TMEM132D: variants seen among roughly 807,000 people sequenced by gnomAD.
TMEM132D encodes transmembrane protein 132D, also known as mature OL transmembrane protein.
TMEM132D carries 21 observed loss-of-function variants against 62.3 expected under a neutral mutation model. The ratio of observed to expected loss-of-function variants is 0.34; its 90% CI spans 0.24 to 0.49. TMEM132D has a LOEUF of 0.49. Ranked by LOEUF, TMEM132D falls within the 20% of genes least tolerant of loss-of-function variation. The probability of loss-of-function intolerance (pLI) is 0.99; values close to 1 mark genes in which losing one functional copy is unlikely to be tolerated. For missense variants in TMEM132D, 1,346 were observed against 1,402.8 expected, an observed-to-expected ratio of 0.96 and a Z score of 0.65; for synonymous variants, 621 against 575.6, an observed-to-expected ratio of 1.08 and a Z score of -1.13.
intron 2 of TMEM132D, among the ~76,000 whole-genome samples, chr12:129,628,443 T>C (rs1879276010): frequency 1.3e-5 from 2 of 152,158 alleles, no homozygotes; most frequent in African/African-American, 4.8e-5. Context: ...GGTGTCTGTA[T>C]CAGGGACGTG....
At chr12:129,510,317 T>G (rs1396170412) in intron 3 of TMEM132D, among the ~76,000 whole-genome samples, 1 of 152,162 alleles carries the variant, frequency 6.6e-6, no homozygotes. Context: ...ATTATTAGAT[T>G]TTTTCCCTAT....
At chr12:129,865,846 A>G (rs1455238285) in intron 1 of TMEM132D, among the ~76,000 whole-genome samples, 2 of 152,328 alleles carry the variant, frequency 1.3e-5, no homozygotes, top group East Asian at 3.9e-4. Flanking sequence ...CAGTGAAGGC[A>G]GTGGTCACGG....
In TMEM132D at chr12:129,314,152, A is replaced by G. The variant is rs1868405017; in HGVS notation, c.1299+23482T>C. 2.0e-5 allele frequency among the ~76,000 whole-genome samples: 3 copies of G among 151,454 alleles called. No individual in the cohort carries two copies. In the South Asian group the frequency reaches 6.2e-4, roughly 31 times the overall value. ...GTGAAGGTTTTCTCCCCTCTGTGGT[A>G]TGTCTGCTTTTGGATTCTTAGTCAT... On this transcript the variant is annotated intron_variant, in intron 4 of 8. Transcript: ENST00000422113.
At chr12:129,217,636 G>T (rs1394950995) in intron 4 of TMEM132D, among the ~76,000 whole-genome samples, 1 of 152,154 alleles carries the variant, frequency 6.6e-6, no homozygotes, top group Non-Finnish European at 1.5e-5. Context: ...AACTCTGTGT[G>T]AGGCACATTT....
At chr12:129,376,509 G>A (rs564223074) in intron 3 of TMEM132D, among the ~76,000 whole-genome samples, 10 of 152,246 alleles carry the variant, frequency 6.6e-5, no homozygotes, top group African/African-American at 2.2e-4. Context: ...CACGACACAC[G>A]GGGATTATGG....
chr12:129,572,710 A>G (rs548779512), intron 2 of TMEM132D, among the ~76,000 whole-genome samples: 2 of 152,118 alleles, frequency 1.3e-5, no homozygotes, highest in Admixed American at 1.3e-4. Flanking sequence ...CGGCTTCCCA[A>G]AGTGCTGGGA....
rs1555244565 is a variant in TMEM132D at position 129,285,526 on chromosome 12, C to CAAAAAAAAAAAAA, written c.1299+52095_1299+52107dup. Among the ~76,000 whole-genome samples the CAAAAAAAAAAAAA allele has an allele frequency of 5.6e-3, 228 of 40,928 alleles. 27 individuals carry two copies. Among genetic ancestry groups the CAAAAAAAAAAAAA allele is most frequent in the African/African-American group, 0.015 (196 of 13,100 alleles). 26.9% of individuals were successfully genotyped at this position (40,928 alleles called of 152,430 possible). ...TGGGTGACAGAGTGAGACTGTGTCT[C>CAAAAAAAAAAAAA]AAAAAAAAAAAAAAGAGAGAGAGAG... is the stretch of plus-strand genomic sequence containing the variant. On this transcript the variant is annotated intron_variant, in intron 4 of 8. Transcript: ENST00000422113.
chr12:129,075,010 G>T lies in TMEM132D; in HGVS notation c.2165C>A (p.Pro722His), dbSNP rs1220855662. Reference protein sequence around the residue: ...WVQFSDGSVTPLDIYDGKDFS... With the variant: ...WVQFSDGSVTHLDIYDGKDFS... ...GTCTTTCCCATCGTAAATATCCAAG[G>T]GCGTGACTGAGCCATCACTGAACTG... is the stretch of plus-strand genomic sequence containing the variant. The change falls in exon 9 of 9, where the codon CCC becomes CAC. Residue 722 changes from proline to histidine, a missense_variant. By Grantham distance (77) the Pro-to-His change is moderately conservative (BLOSUM62 -2). Transcript: ENST00000422113. 6.2e-7 allele frequency: 1 copy of T among 1,613,240 alleles called. No homozygotes were observed. The highest frequency in any genetic ancestry group is 8.5e-7 in the Non-Finnish European group (1 of 1,179,990).
intron 2 of TMEM132D, among the ~76,000 whole-genome samples, chr12:129,670,581 C>T (rs996928369): frequency 1.3e-5 from 2 of 152,108 alleles, no homozygotes; most frequent in Non-Finnish European, 1.5e-5. Context: ...ACTGGCTTCC[C>T]CCTACCCACC....
chr12:129,714,450 A>G (rs996931960), intron 1 of TMEM132D, among the ~76,000 whole-genome samples: 1 of 152,218 alleles, frequency 6.6e-6, no homozygotes, highest in African/African-American at 2.4e-5. Flanking sequence ...ACACTGGGCC[A>G]GGGTTTGAAC....
intron 1 of TMEM132D, among the ~76,000 whole-genome samples, chr12:129,746,021 C>T (rs1869764362): frequency 6.6e-6 from 1 of 152,132 alleles, no homozygotes. Flanking sequence ...GGGACCTGGA[C>T]CATGAGAGAG....
rs1250058144 is a variant in TMEM132D at position 129,169,481 on chromosome 12, G to A, written c.1443+40039C>T. Among the ~76,000 whole-genome samples the A allele has an allele frequency of 3.3e-5, 5 of 152,168 alleles. No individual in the cohort carries two copies. The East Asian group carries it at 9.6e-4, about 29-fold the overall frequency. On this transcript the variant is annotated intron_variant, in intron 5 of 8. Coordinates refer to ENST00000422113, the MANE Select transcript of TMEM132D (RefSeq NM_133448.3). The stretch of plus-strand genomic sequence containing the variant: ...TGGCACTGCTACATAGCTGTATCTA[G>A]GACTGGCAATCTCTGAGCTTGATGT...
intron 1 of TMEM132D, among the ~76,000 whole-genome samples, chr12:129,786,559 C>A (rs1299497606): frequency 6.6e-6 from 1 of 152,000 alleles, no homozygotes; most frequent in African/African-American, 2.4e-5. Flanking sequence ...ATGAAATGCT[C>A]TTCATCCAAC....
chr12:129,674,860 G>C (rs970316755), intron 2 of TMEM132D, among the ~76,000 whole-genome samples: 3 of 152,102 alleles, frequency 2.0e-5, no homozygotes, highest in African/African-American at 7.2e-5. Context: ...TTAACCCTTA[G>C]CCATATTAGT....
intron 4 of TMEM132D, among the ~76,000 whole-genome samples, chr12:129,274,673 T>C (rs2135603547): frequency 6.6e-6 from 1 of 151,866 alleles, no homozygotes; most frequent in East Asian, 2.0e-4. Context: ...GATCACAAGG[T>C]CAGGAGATCG....
chr12:129,625,837 G>A, intron 2 of TMEM132D, among the ~76,000 whole-genome samples: 1 of 152,110 alleles, frequency 6.6e-6, no homozygotes, highest in African/African-American at 2.4e-5. Flanking sequence ...CCACTCAGAG[G>A]GGGTATGTGT....
intron 3 of TMEM132D, among the ~76,000 whole-genome samples, chr12:129,475,776 C>T (rs940846886): frequency 2.0e-5 from 3 of 152,108 alleles, no homozygotes; most frequent in Non-Finnish European, 2.9e-5. Flanking sequence ...GGGTCTGCAC[C>T]GTGTAAAGAC....
chr12:129,784,606 C>G (rs1329880849), intron 1 of TMEM132D, among the ~76,000 whole-genome samples: 1 of 152,146 alleles, frequency 6.6e-6, no homozygotes, highest in Non-Finnish European at 1.5e-5. Context: ...TTCTCTTTCT[C>G]TCATCTTTGT....
chr12:129,387,432 A>C (rs1361653713), intron 3 of TMEM132D, among the ~76,000 whole-genome samples: 1 of 149,742 alleles, frequency 6.7e-6, no homozygotes, highest in Non-Finnish European at 1.5e-5. Flanking sequence ...CGCCAACACT[A>C]ACAGCAATAC....
Sources: gnomAD v4.1 joint callset for allele counts (sites outside exome capture counted in the v4.1 genomes callset) on GRCh38, gnomAD v4.1.1 for gene constraint, MANE v1.5 for transcripts, NCBI Gene and HGNC (gene_info 2026-07-23, HGNC 2026-07-21) for gene names.